NOS1: variants seen among roughly 807,000 people sequenced by gnomAD.
NOS1 encodes nitric oxide synthase 1.
Under a neutral mutation model 164.5 loss-of-function variants are expected in NOS1, and 51 were observed. The observed-to-expected ratio is 0.31, with a 90% CI of 0.25 to 0.39. The LOEUF is 0.39. NOS1 is among the 10% of genes least tolerant of loss of function. The pLI, the probability that NOS1 is intolerant of heterozygous loss-of-function variation, is 1.00. For synonymous variants in NOS1, 719 were observed against 745.8 expected, an observed-to-expected ratio of 0.96 and a Z score of 0.59; for missense variants, 1,362 against 1,885.6, an observed-to-expected ratio of 0.72 and a Z score of 5.14.
chr12:117,214,894 A>G lies in NOS1; in HGVS notation c.*415T>C. On this transcript the variant is annotated 3_prime_UTR_variant, in exon 29 of 29. Transcript: ENST00000317775. ...GCACGCACAACCAAAATGTCATCAT[A>G]AAAAAGGAGAAAGGGGGACTTCAGT... is the stretch of plus-strand genomic sequence containing the variant. 1.0e-6 allele frequency: 1 copy of G among 999,986 alleles called. No individual in the cohort carries two copies. Among genetic ancestry groups the G allele is most frequent in the South Asian group, 4.7e-5 (1 of 21,384 alleles). 61.9% of individuals were successfully genotyped at this position (999,986 alleles called of 1,614,324 possible). A position where few individuals can be genotyped will look rare whatever the true frequency, so the allele number is the denominator to read the frequency against.
Position 117,330,521 on chromosome 12 carries a change from T to C in NOS1, c.549A>G (p.Pro183=). 1 of 1,613,854 alleles carries C rather than the reference T, an allele frequency of 6.2e-7. No individual in the cohort carries two copies. Among genetic ancestry groups the C allele is most frequent in the Non-Finnish European group, 8.5e-7 (1 of 1,180,010 alleles). Residue 183 remains proline (P), a synonymous_variant, in exon 2 of 29, where the codon CCA becomes CCG. Transcript: ENST00000317775. This position sits in a 1 kb window ranked among gnomAD's most constrained non-coding sequence, Gnocchi z 4.6. The stretch of plus-strand genomic sequence containing the variant: ...TTGCTTTCTTCGCGGGGTCCTGGCC[T>C]GGGGGCCTGGGGGCCAGGCCGTTGG... ...PHANGLAPRP[P]GQDPAKKATR...
In NOS1 at chr12:117,208,358, C is replaced by T. The variant is rs1182929192; in HGVS notation, c.*6951G>A. On this transcript the variant is annotated 3_prime_UTR_variant, in exon 29 of 29. Coordinates refer to ENST00000317775, the MANE Select transcript of NOS1 (RefSeq NM_000620.5). Reference sequence around the variant, plus strand: ...GCAGAGATTAGCAGCATTGAGAGCTCAGAGGTAGGGGGGACGGCCGAGTTT... The same window carrying T: ...GCAGAGATTAGCAGCATTGAGAGCTTAGAGGTAGGGGGGACGGCCGAGTTT... The T allele has an allele frequency of 1.6e-6, 2 of 1,282,116 alleles. No homozygotes were observed. Among genetic ancestry groups the T allele is most frequent in the Non-Finnish European group, 2.0e-6 (2 of 987,266 alleles). The allele number at this position is 1,282,116 out of a possible 1,614,324, so 79.4% of individuals were successfully genotyped here.
chr12:117,294,279 G>A (rs897615591), intron 3 of NOS1, among the ~76,000 whole-genome samples: 4 of 152,126 alleles, frequency 2.6e-5, no homozygotes, highest in African/African-American at 4.8e-5. Flanking sequence ...GGGGCCAGGC[G>A]TGAGGAGGAG....
rs777267814 is a variant in NOS1, at chr12:117,232,065, T to C, written c.3302A>G (p.Tyr1101Cys). The C allele has an allele frequency of 6.2e-7, 1 of 1,612,266 alleles. No homozygotes were observed. The highest frequency in any genetic ancestry group is 2.2e-5 in the East Asian group (1 of 44,876). The part of the protein sequence containing the change: ...PPCTIFQAFK[Y>C]YLDITTPPTP... ...TGGTGGCGTGGTGATGTCCAGGTAG[T>C]ACTTGAAGGCCTGGAAGATGGTGCA... Residue 1101 changes from tyrosine (Y) to cysteine (C), a missense_variant, in exon 22 of 29, where the codon TAC becomes TGC. Coordinates refer to ENST00000317775, the MANE Select transcript of NOS1 (RefSeq NM_000620.5).
chr12:117,241,645 T>A (rs1870187350), intron 20 of NOS1, among the ~76,000 whole-genome samples: 1 of 151,996 alleles, frequency 6.6e-6, no homozygotes, highest in Admixed American at 6.5e-5. Context: ...CTTTCATTAG[T>A]GCTAGAAAAA....
chr12:117,319,668 G>A (rs1207342284), intron 2 of NOS1, among the ~76,000 whole-genome samples: 7 of 152,092 alleles, frequency 4.6e-5, no homozygotes, highest in East Asian at 3.9e-4. Flanking sequence ...TGATTTTGCC[G>A]CAAATTCACA....
intron 17 of NOS1, among the ~76,000 whole-genome samples, chr12:117,251,260 T>A: frequency 6.6e-6 from 1 of 152,142 alleles, no homozygotes; most frequent in Non-Finnish European, 1.5e-5. Flanking sequence ...AGAAATAAAT[T>A]TCTGTTGTTT....
intron 7 of NOS1, among the ~76,000 whole-genome samples, chr12:117,283,036 T>TTA (rs397851004): frequency 0.01 from 1,275 of 125,380 alleles, 20 homozygotes; most frequent in East Asian, 0.076. Context: ...TCCTATAACA[T>TTA]TATATATATA....
intron 1 of NOS1, among the ~76,000 whole-genome samples, chr12:117,340,069 A>G (rs1351679172): frequency 6.6e-6 from 1 of 152,110 alleles, no homozygotes; most frequent in African/African-American, 2.4e-5. Context: ...CAGTGGTGTA[A>G]TAACAGCTAA....
chr12:117,361,103 G>T (rs1003237816), intron 1 of NOS1, among the ~76,000 whole-genome samples: 2 of 152,064 alleles, frequency 1.3e-5, no homozygotes, highest in African/African-American at 4.8e-5. Flanking sequence ...GAAGGGGCGC[G>T]GGACGCCTGG....
chr12:117,284,299 C>T (rs1302775733), intron 7 of NOS1, among the ~76,000 whole-genome samples: 2 of 152,170 alleles, frequency 1.3e-5, no homozygotes, highest in South Asian at 4.1e-4. Flanking sequence ...ACAAGTGTAG[C>T]CGGCTGTCTG....
Position 117,278,108 on chromosome 12 carries a change from G to A in NOS1, c.1525-10C>T. ...CCTGCTGTATGCATATCTGCAAGCA[G>A]ACCCGGCCAGGTAATGCCACTGTAC... On this transcript the variant is annotated splice_polypyrimidine_tract_variant and intron_variant, in intron 8 of 28. Coordinates refer to ENST00000317775, the MANE Select transcript of NOS1 (RefSeq NM_000620.5). 3 of 1,607,722 alleles carry A rather than the reference G, an allele frequency of 1.9e-6. No individual in the cohort carries two copies. Among genetic ancestry groups the A allele is most frequent in the Non-Finnish European group, 2.6e-6 (3 of 1,176,182 alleles).
intron 23 of NOS1, among the ~76,000 whole-genome samples, chr12:117,227,229 C>A (rs1442826730): frequency 6.6e-6 from 1 of 152,150 alleles, no homozygotes; most frequent in Non-Finnish European, 1.5e-5. Context: ...ACACATCTTG[C>A]CTCTTTCCTA....
rs994760359 is a variant in NOS1, at chr12:117,242,790, C to A, written c.2963-85G>T. 8 of 1,194,146 alleles carry A rather than the reference C, an allele frequency of 6.7e-6. No individual in the cohort carries two copies. In the African/African-American group the frequency reaches 1.1e-4, roughly 16 times the overall value. The allele number at this position is 1,194,146 out of a possible 1,614,324, so 74.0% of individuals were successfully genotyped here. A position where few individuals can be genotyped will look rare whatever the true frequency, so the allele number is the denominator to read the frequency against. The stretch of plus-strand genomic sequence containing the variant: ...CCCAGGTGGGGCAACGTGGCTCACG[C>A]CCATAATCCCAACTACTTAGGAGGC... On this transcript the variant is annotated intron_variant, in intron 19 of 28. Coordinates refer to ENST00000317775, the MANE Select transcript of NOS1 (RefSeq NM_000620.5).
At position 117,258,347 on chromosome 12, in the gene NOS1, C is replaced by T. The variant is rs938808382; in HGVS notation, c.2531+50G>A. The T allele has an allele frequency of 5.6e-6, 9 of 1,593,546 alleles. No individual in the cohort carries two copies. The South Asian group carries it at 7.8e-5, about 14-fold the overall frequency. On this transcript the variant is annotated intron_variant, in intron 16 of 28. Coordinates refer to ENST00000317775, the MANE Select transcript of NOS1 (RefSeq NM_000620.5). ...AACCCCAGGTGCCAAAAGTCAATGT[C>T]CAGTTACCCTCGGGGGTGGCGGGTG...
intron 22 of NOS1, among the ~76,000 whole-genome samples, chr12:117,231,086 G>A (rs971682567): frequency 5.3e-5 from 8 of 152,078 alleles, no homozygotes; most frequent in African/African-American, 1.9e-4. Context: ...CAGCACTTTT[G>A]GGAGGCCGAG....
chr12:117,355,584 G>T (rs1445887850), intron 1 of NOS1, among the ~76,000 whole-genome samples: 1 of 151,544 alleles, frequency 6.6e-6, no homozygotes, highest in Non-Finnish European at 1.5e-5. Context: ...AACAAACAGA[G>T]AACAAAAAAA....
intron 9 of NOS1, 128 bp downstream of exon 9, chr12:117,277,831 C>T: frequency 8.5e-7 from 1 of 1,176,476 alleles, no homozygotes; most frequent in Non-Finnish European, 1.2e-6. Context: ...AGGACAGGAA[C>T]CAAGCCCCCC....
intron 21 of NOS1, among the ~76,000 whole-genome samples, chr12:117,233,150 C>T (rs1362850223): frequency 2.7e-5 from 4 of 147,886 alleles, no homozygotes; most frequent in Admixed American, 7.1e-5. Context: ...TGGGTTCAAG[C>T]GATTCTCCTG....
Sources: allele counts gnomAD v4.1 joint callset (sites outside exome capture counted in the v4.1 genomes callset), GRCh38; gene constraint gnomAD v4.1.1; non-coding constraint Gnocchi (gnomAD v3.1); transcripts MANE v1.5; gene names NCBI Gene and HGNC (gene_info 2026-07-23, HGNC 2026-07-21).